The following CPQ variants were observed in gnomAD, a reference collection of about 807,000 sequenced individuals.
The protein encoded by CPQ is carboxypeptidase Q, also known as Ser-Met dipeptidase.
In CPQ, 37 loss-of-function variants were observed where a neutral mutation model predicts 45.7. The ratio of observed to expected loss-of-function variants is 0.81; its 90% CI spans 0.62 to 1.07. CPQ has a LOEUF of 1.07. Among genes scored for constraint, CPQ ranks in the 50% least tolerant of loss-of-function variants. The probability of loss-of-function intolerance (pLI) is 0.00; values close to 1 mark genes in which losing one functional copy is unlikely to be tolerated. For missense variants in CPQ, 537 were observed against 572.9 expected (o/e 0.94, Z 0.64); for synonymous variants, 186 against 205.8 (o/e 0.90, Z 0.82).
At chr8:96,934,675 C>A (rs995793420) in intron 4 of CPQ, among the ~76,000 whole-genome samples, 2 of 152,154 alleles carry the variant, frequency 1.3e-5, no homozygotes, top group Non-Finnish European at 2.9e-5. Context: ...ACAAGCCCCC[C>A]ACTCCCACCC....
At chr8:96,729,080 A>G (rs1809877919) in intron 1 of CPQ, among the ~76,000 whole-genome samples, 1 of 152,230 alleles carries the variant, frequency 6.6e-6, no homozygotes, top group African/African-American at 2.4e-5. Context: ...ATCTCCCAAA[A>G]TATGTAATAT....
In CPQ at chr8:97,100,520, G is replaced by A. The variant is rs527336360; in HGVS notation, c.1255+34310G>A. 3.9e-5 allele frequency among the ~76,000 whole-genome samples: 6 copies of A among 152,272 alleles called. No homozygotes were observed. The South Asian group carries it at 1.2e-3, about 32-fold the overall frequency. Reference sequence around the variant, plus strand: ...ATAGAATCCAGGCAGGTCAGGGATAGGGATAAGGACTTAGACATCTATCTG... The same window carrying A: ...ATAGAATCCAGGCAGGTCAGGGATAAGGATAAGGACTTAGACATCTATCTG... On this transcript the variant is annotated intron_variant, in intron 7 of 7. Coordinates refer to ENST00000220763, the MANE Select transcript of CPQ (RefSeq NM_016134.4).
intron 5 of CPQ, among the ~76,000 whole-genome samples, chr8:96,969,042 C>A (rs1448528194): frequency 6.6e-6 from 1 of 152,182 alleles, no homozygotes; most frequent in Admixed American, 6.5e-5. Context: ...CCAAAATGCT[C>A]ATTTGGCACT....
chr8:97,065,017 T>A (rs1052561850), intron 6 of CPQ, among the ~76,000 whole-genome samples: 1 of 152,180 alleles, frequency 6.6e-6, no homozygotes, highest in Non-Finnish European at 1.5e-5. Flanking sequence ...CAAAGGAGAT[T>A]GCAAATGTGA....
intron 1 of CPQ, among the ~76,000 whole-genome samples, chr8:96,675,812 A>G (rs543139634): frequency 5.9e-5 from 9 of 151,768 alleles, no homozygotes; most frequent in Non-Finnish European, 1.3e-4. Flanking sequence ...AATCATTTGT[A>G]TTTTCTATGA....
chr8:97,133,676 A>T (rs1252330057), intron 7 of CPQ, among the ~76,000 whole-genome samples: 1 of 152,232 alleles, frequency 6.6e-6, no homozygotes, highest in African/African-American at 2.4e-5. Context: ...TTAATGTCTT[A>T]GAAGCCAATA....
intron 3 of CPQ, among the ~76,000 whole-genome samples, chr8:96,856,168 T>G (rs1372341023): frequency 6.6e-6 from 1 of 152,196 alleles, no homozygotes; most frequent in Non-Finnish European, 1.5e-5. Flanking sequence ...AGTGATATGA[T>G]CTAATCTGTG....
chr8:96,801,412 C>T (rs1423218877), intron 2 of CPQ, among the ~76,000 whole-genome samples: 2 of 152,118 alleles, frequency 1.3e-5, no homozygotes, highest in South Asian at 2.1e-4. Flanking sequence ...ATCCAGTTCC[C>T]TTTTCACTCA....
Position 97,091,884 on chromosome 8 carries a change from CAGAGAG to C in CPQ, c.1255+25687_1255+25692del, listed in dbSNP as rs148999960. On this transcript the variant is annotated intron_variant, in intron 7 of 7. Transcript: ENST00000220763. ...GATGGATGGATGGATGGATGGATGG[CAGAGAG>C]AGAGAGAGAGAGGATGAAAATGTCA... Among the ~76,000 whole-genome samples, 6 of 132,844 alleles carry C rather than the reference CAGAGAG, an allele frequency of 4.5e-5. No individual in the cohort carries two copies. In the South Asian group the frequency reaches 7.2e-4, roughly 16 times the overall value. The allele number at this position is 132,844 out of a possible 152,430, so 87.2% of individuals were successfully genotyped here.
At chr8:96,818,241 T>A (rs990379601) in intron 2 of CPQ, among the ~76,000 whole-genome samples, 1 of 151,872 alleles carries the variant, frequency 6.6e-6, no homozygotes, top group African/African-American at 2.4e-5. Flanking sequence ...TTCTGACTGC[T>A]CCATCAACCT....
At chr8:96,926,622 T>TCTTCTTCTTCTTCTTCTTCTTCTTCTC (rs1554578116) in intron 4 of CPQ, among the ~76,000 whole-genome samples, 13 of 123,856 alleles carry the variant, frequency 1.0e-4, no homozygotes, top group East Asian at 7.0e-4. Flanking sequence ...TTCTTCTTCT[T>TCTTCTTCTTCTTCTTCTTCTTCTTCTC]CTCCTCCTTC....
In CPQ at chr8:96,686,702, T is replaced by C. The variant is rs1400745635; in HGVS notation, c.-35+41300T>C. On this transcript the variant is annotated intron_variant, in intron 1 of 7. Transcript: ENST00000220763. The stretch of plus-strand genomic sequence containing the variant: ...ATTGTGGATTTATATGTTATAAATA[T>C]ACATTTGAAGATTTTCTTTTTTTTT... Among the ~76,000 whole-genome samples, 3 of 152,038 alleles carry C rather than the reference T, an allele frequency of 2.0e-5. No individual in the cohort carries two copies. The East Asian group carries it at 5.8e-4, about 29-fold the overall frequency.
intron 1 of CPQ, among the ~76,000 whole-genome samples, chr8:96,780,182 G>C (rs1029511902): frequency 6.6e-5 from 10 of 152,144 alleles, no homozygotes; most frequent in Non-Finnish European, 1.3e-4. Context: ...AGGGAGACAG[G>C]TTTATAAACA....
chr8:96,647,161 T>A (rs1815528199), intron 1 of CPQ, among the ~76,000 whole-genome samples: 1 of 152,218 alleles, frequency 6.6e-6, no homozygotes, highest in Non-Finnish European at 1.5e-5. Context: ...TCATTATACA[T>A]ACATATTTAA....
At chr8:96,966,582 C>G (rs957965884) in intron 5 of CPQ, among the ~76,000 whole-genome samples, 1 of 152,190 alleles carries the variant, frequency 6.6e-6, no homozygotes, top group Non-Finnish European at 1.5e-5. Flanking sequence ...CCTCTTCCCA[C>G]TAGAAGCCAG....
In CPQ at chr8:96,863,677, G is replaced by A. The variant is rs117669741; in HGVS notation, c.642-16121G>A. ...TGAATACAGTGCTATTTTGTTTAGT[G>A]TTTCAGGAAATGCTTTGATTCCAGC... On this transcript the variant is annotated intron_variant, in intron 3 of 7. Transcript: ENST00000220763. 6.1e-3 allele frequency among the ~76,000 whole-genome samples: 928 copies of A among 152,196 alleles called. 6 individuals are homozygous for A. The highest frequency in any genetic ancestry group is 0.011 in the Non-Finnish European group (764 of 67,970).
intron 4 of CPQ, among the ~76,000 whole-genome samples, chr8:96,939,087 G>A (rs201941292): frequency 1.3e-5 from 2 of 152,128 alleles, no homozygotes; most frequent in East Asian, 3.9e-4. Flanking sequence ...AACAGAATAT[G>A]TACCACCTAT....
chr8:97,069,077 A>G (rs1465693364), intron 7 of CPQ, among the ~76,000 whole-genome samples: 1 of 152,198 alleles, frequency 6.6e-6, no homozygotes, highest in Non-Finnish European at 1.5e-5. Flanking sequence ...AACTACTTAT[A>G]TCTTCTCACA....
intron 7 of CPQ, among the ~76,000 whole-genome samples, chr8:97,093,639 C>T (rs1398569738): frequency 2.0e-5 from 3 of 152,078 alleles, no homozygotes; most frequent in Non-Finnish European, 2.9e-5. Flanking sequence ...GATTCACTCA[C>T]ATTTGTTGAG....
Sources: allele counts gnomAD v4.1 joint callset (sites outside exome capture counted in the v4.1 genomes callset), GRCh38; gene constraint gnomAD v4.1.1; transcripts MANE v1.5; gene names NCBI Gene and HGNC (gene_info 2026-07-23, HGNC 2026-07-21).